Variants in CD28 observed in about 807,000 individuals in gnomAD.
CD28 encodes the protein CD28 molecule.
In CD28, 8 loss-of-function variants were observed where a neutral mutation model predicts 21.4. The observed-to-expected ratio is 0.37, with a 90% CI of 0.22 to 0.68. The LOEUF (loss-of-function observed/expected upper bound fraction) is 0.68, where lower values mean the gene tolerates loss of function less well. Ranked by LOEUF, CD28 falls within the 30% of genes least tolerant of loss-of-function variation. The pLI is 0.55. For synonymous variants in CD28, 106 were observed against 104.0 expected (o/e 1.02, Z -0.12); for missense variants, 239 against 272.2 (o/e 0.88, Z 0.86).
At chr2:203,712,703 C>T (rs1384833681) in intron 1 of CD28, among the ~76,000 whole-genome samples, 3 of 152,114 alleles carry the variant, frequency 2.0e-5, no homozygotes, top group South Asian at 4.1e-4. Flanking sequence ...AATGAGGAAG[C>T]ATAAAATAAA....
At chr2:203,724,595 G>C (rs1195648660) in intron 1 of CD28, among the ~76,000 whole-genome samples, 1 of 152,074 alleles carries the variant, frequency 6.6e-6, no homozygotes, top group Non-Finnish European at 1.5e-5. Flanking sequence ...TGTTGCCCAG[G>C]CTGGTCTTGA....
Position 203,734,843 on chromosome 2 carries a change from C to T in CD28, c.594C>T (p.Arg198=), listed in dbSNP as rs1418317040. Residue 198 remains arginine, a synonymous_variant, in exon 4 of 4, where the codon CGC becomes CGT. Transcript: ENST00000324106. ...HSDYMNMTPR[R]PGPTRKHYQP... ...ACTACATGAACATGACTCCCCGCCG[C>T]CCCGGGCCCACCCGCAAGCATTACC... The T allele has an allele frequency of 3.7e-6, 6 of 1,614,056 alleles. No homozygotes were observed. In the African/African-American group the frequency reaches 6.7e-5, roughly 18 times the overall value.
Position 203,738,252 on chromosome 2 carries a change from A to G in CD28, c.*3340A>G, listed in dbSNP as rs1325899677. 1 of 152,130 alleles carries G rather than the reference A, an allele frequency of 6.6e-6. No individual in the cohort carries two copies. The highest frequency in any genetic ancestry group is 2.4e-5 in the African/African-American group (1 of 41,426). The allele number at this position is 152,130 out of a possible 1,614,324, so 9.4% of individuals were successfully genotyped here. On this transcript the variant is annotated 3_prime_UTR_variant, in exon 4 of 4. Coordinates refer to ENST00000324106, the MANE Select transcript of CD28 (RefSeq NM_006139.4). Reference sequence around the variant, plus strand: ...TCCTCATGGCTATTTTAATGAGGGTATTGATGGTTAAATGCATGTCTGATC... The same window carrying G: ...TCCTCATGGCTATTTTAATGAGGGTGTTGATGGTTAAATGCATGTCTGATC...
At chr2:203,731,753 A>G (rs915225606) in intron 3 of CD28, among the ~76,000 whole-genome samples, 1 of 151,324 alleles carries the variant, frequency 6.6e-6, no homozygotes, top group African/African-American at 2.5e-5. Flanking sequence ...TCATAGACAC[A>G]CTGGGTTTTT....
intron 1 of CD28, among the ~76,000 whole-genome samples, chr2:203,713,700 A>G (rs1457833211): frequency 8.5e-5 from 13 of 152,128 alleles, no homozygotes; most frequent in Admixed American, 7.9e-4. Context: ...GGAAATAGAT[A>G]AGGTAAAGAC....
chr2:203,725,044 A>C (rs1693703774), intron 1 of CD28, among the ~76,000 whole-genome samples: 1 of 152,136 alleles, frequency 6.6e-6, no homozygotes, highest in Non-Finnish European at 1.5e-5. Context: ...TAATCCCAGC[A>C]CTTTGGGAGG....
chr2:203,728,733 G>A (rs1375310025), intron 2 of CD28, among the ~76,000 whole-genome samples: 1 of 152,118 alleles, frequency 6.6e-6, no homozygotes, highest in Non-Finnish European at 1.5e-5. Context: ...GTAGCTAAGA[G>A]TGAAATATTT....
At chr2:203,722,901 T>C (rs1483938628) in intron 1 of CD28, among the ~76,000 whole-genome samples, 1 of 152,224 alleles carries the variant, frequency 6.6e-6, no homozygotes, top group African/African-American at 2.4e-5. Flanking sequence ...TGGAAAAACC[T>C]GTGGAGGCCG....
chr2:203,732,164 T>A (rs1349801660), intron 3 of CD28, among the ~76,000 whole-genome samples: 3 of 152,188 alleles, frequency 2.0e-5, no homozygotes, highest in Admixed American at 2.0e-4. Context: ...GCAGCGTGCC[T>A]TGATGTAAGT....
At chr2:203,708,137 A>AT (rs1693211403) in intron 1 of CD28, among the ~76,000 whole-genome samples, 2 of 152,212 alleles carry the variant, frequency 1.3e-5, no homozygotes, top group East Asian at 3.8e-4. Context: ...ATTCTTAAAC[A>AT]TTAAGTGTAC....
chr2:203,715,692 C>A (rs1226427590), intron 1 of CD28, among the ~76,000 whole-genome samples: 1 of 152,144 alleles, frequency 6.6e-6, no homozygotes, highest in African/African-American at 2.4e-5. Flanking sequence ...AACTCTAGTC[C>A]TATACTTCTA....
At position 203,736,200 on chromosome 2, in the gene CD28, A is replaced by G. The variant is rs1226624273; in HGVS notation, c.*1288A>G. The G allele has an allele frequency of 6.6e-6, 1 of 152,624 alleles. No homozygotes were observed. The highest frequency in any genetic ancestry group is 6.5e-5 in the Admixed American group (1 of 15,280). 9.5% of individuals were successfully genotyped at this position (152,624 alleles called of 1,614,324 possible). ...AAAGTGGGTTGTGGAAAGAGCGTCC[A>G]TAGGAGAAGTGAGAATACTGTGAAA... On this transcript the variant is annotated 3_prime_UTR_variant, in exon 4 of 4. Transcript: ENST00000324106.
At chr2:203,721,986 G>C (rs1358844259) in intron 1 of CD28, among the ~76,000 whole-genome samples, 2 of 152,018 alleles carry the variant, frequency 1.3e-5, no homozygotes, top group Non-Finnish European at 2.9e-5. Flanking sequence ...GGGAGAGGGA[G>C]TCAAACTGGG....
intron 1 of CD28, among the ~76,000 whole-genome samples, chr2:203,719,989 A>G (rs1380609459): frequency 6.6e-6 from 1 of 151,960 alleles, no homozygotes; most frequent in Non-Finnish European, 1.5e-5. Flanking sequence ...AAACGGCAAG[A>G]GTTGTTTTTT....
chr2:203,706,882 G>A, intron 1 of CD28, 134 bp downstream of exon 1: 1 of 676,742 alleles, frequency 1.5e-6, no homozygotes, highest in Admixed American at 2.7e-5. Flanking sequence ...AGGGCAATGT[G>A]TTATTTTGAA....
At chr2:203,707,880 G>A (rs1693202646) in intron 1 of CD28, among the ~76,000 whole-genome samples, 2 of 152,130 alleles carry the variant, frequency 1.3e-5, no homozygotes. Flanking sequence ...AATTAACTTC[G>A]GAAAATCACA....
At chr2:203,709,099 GA>G (rs1268559893) in intron 1 of CD28, among the ~76,000 whole-genome samples, 1 of 144,184 alleles carries the variant, frequency 6.9e-6, no homozygotes, top group East Asian at 2.2e-4. Context: ...TCCAGCCTGG[GA>G]AACAGTCTCA....
chr2:203,706,832 G>T (rs946284481), intron 1 of CD28, 84 bp downstream of exon 1: 3 of 1,084,882 alleles, frequency 2.8e-6, no homozygotes, highest in Non-Finnish European at 4.2e-6. Flanking sequence ...TTCTAACAAT[G>T]TGTGAAATTT....
chr2:203,709,345 T>G (rs1693251595), intron 1 of CD28, among the ~76,000 whole-genome samples: 1 of 152,200 alleles, frequency 6.6e-6, no homozygotes, highest in Admixed American at 6.5e-5. Context: ...CTTTTTTCCA[T>G]TAATTTAATA....
Sources: allele counts gnomAD v4.1 joint callset (sites outside exome capture counted in the v4.1 genomes callset), GRCh38; gene constraint gnomAD v4.1.1; transcripts MANE v1.5; gene names NCBI Gene and HGNC (gene_info 2026-07-23, HGNC 2026-07-21).